Variants in JMJD1C observed in about 807,000 individuals in gnomAD.
JMJD1C encodes jumonji domain containing 1C.
In JMJD1C, 31 loss-of-function variants were observed where a neutral mutation model predicts 245.3. The observed-to-expected ratio is 0.13, with a 90% CI of 0.09 to 0.17. The LOEUF (loss-of-function observed/expected upper bound fraction) is 0.17, where lower values mean the gene tolerates loss of function less well. Among genes scored for constraint, JMJD1C ranks in the 10% least tolerant of loss-of-function variants. JMJD1C has a pLI of 1.00. For synonymous variants in JMJD1C, 1,057 were observed against 1,017.4 expected (o/e 1.04, Z -0.74); for missense variants, 2,691 against 3,000.2 (o/e 0.90, Z 2.41).
At chr10:63,203,275 T>C in intron 10 of JMJD1C, 2 of 976,216 alleles carry the variant, frequency 2.0e-6, no homozygotes, top group South Asian at 4.7e-5. Context: ...TATAATTTAC[T>C]GGCAATATAT....
At chr10:63,225,229 T>C (rs961407837) in intron 3 of JMJD1C, among the ~76,000 whole-genome samples, 6 of 152,188 alleles carry the variant, frequency 3.9e-5, no homozygotes, top group Non-Finnish European at 7.3e-5. Flanking sequence ...GGACCCTCTA[T>C]GAACCTCTCC....
At chr10:63,461,266 T>C (rs1046847588) in intron 1 of JMJD1C, among the ~76,000 whole-genome samples, 1 of 152,236 alleles carries the variant, frequency 6.6e-6, no homozygotes, top group African/African-American at 2.4e-5. Flanking sequence ...AATTTTGCTA[T>C]AGTAAACCTA....
rs745461131 is a variant in JMJD1C, at chr10:63,208,286, G to C, written c.3383C>G (p.Ala1128Gly). Reference protein sequence around the residue: ...YGDKQSNALAAAAANPQTLTS... With the variant: ...YGDKQSNALAGAAANPQTLTS... ...CAGAGTTTGAGGATTAGCTGCTGCCGCTGCAAGGGCATTACTCTGTTTATC... is the reference window on the plus strand; with the variant it reads ...CAGAGTTTGAGGATTAGCTGCTGCCCCTGCAAGGGCATTACTCTGTTTATC... Residue 1128 changes from alanine (A) to glycine (G), a missense_variant, in exon 10 of 26, where the codon GCG becomes GGG. Ala to Gly is a moderately conservative substitution (Grantham distance 60). Around this residue, in one of 9 missense-constraint regions of JMJD1C, gnomAD observed 1,562 missense variants for 1,490.7 expected, o/e 1.05. Coordinates refer to ENST00000399262, the MANE Select transcript of JMJD1C (RefSeq NM_032776.3). 1.2e-6 allele frequency: 2 copies of C among 1,614,024 alleles called. No individual in the cohort carries two copies. Among genetic ancestry groups the C allele is most frequent in the Non-Finnish European group, 8.5e-7 (1 of 1,179,982 alleles).
In JMJD1C at chr10:63,189,446, T is replaced by C. The variant is rs374161831; in HGVS notation, c.6292A>G (p.Ser2098Gly). 2 of 1,593,456 alleles carry C rather than the reference T, an allele frequency of 1.3e-6. No homozygotes were observed. The highest frequency in any genetic ancestry group is 2.7e-5 in the African/African-American group (2 of 73,566). The change falls in exon 18 of 26, where the codon AGT becomes GGT. Residue 2098 changes from serine to glycine, a missense_variant and splice_region_variant. Ser to Gly is a moderately conservative substitution (Grantham distance 56). This residue lies in a region of JMJD1C where 275 missense variants were observed against 285.5 expected (regional missense o/e 0.96). Coordinates refer to ENST00000399262, the MANE Select transcript of JMJD1C (RefSeq NM_032776.3). ...GGCATAGTCCGTCCACTTTTGCTAC[T>C]CTATTAAGGAAAAAACAAAACAAAA... ...FAPVYSMGAP[S>G]SKSGRTMPNI...
chr10:63,414,850 T>G (rs1193099317), intron 1 of JMJD1C, among the ~76,000 whole-genome samples: 1 of 148,778 alleles, frequency 6.7e-6, no homozygotes, highest in Non-Finnish European at 1.5e-5. Context: ...GAGGCTGCAG[T>G]GAGCTGAGAT....
chr10:63,440,276 A>G (rs1951293065), intron 1 of JMJD1C, among the ~76,000 whole-genome samples: 1 of 151,610 alleles, frequency 6.6e-6, no homozygotes, highest in Admixed American at 6.6e-5. Flanking sequence ...TGGAGGTTGC[A>G]GTGAGCCAAG....
Position 63,324,039 on chromosome 10 carries a change from CTT to C in JMJD1C, c.333+56277_333+56278del, listed in dbSNP as rs71463513. 9.0e-4 allele frequency among the ~76,000 whole-genome samples: 123 copies of C among 136,102 alleles called. 1 individual carries two copies. In the East Asian group the frequency reaches 9.9e-3, roughly 11 times the overall value. The allele number at this position is 136,102 out of a possible 152,430, so 89.3% of individuals were successfully genotyped here. The stretch of plus-strand genomic sequence containing the variant: ...AAGAGCCAATTCATCCTTCGTCTGC[CTT>C]TTTTTTTTTTTTTTTCTATGTGGGC... On this transcript the variant is annotated intron_variant, in intron 2 of 25. Coordinates refer to ENST00000399262, the MANE Select transcript of JMJD1C (RefSeq NM_032776.3).
At chr10:63,484,236 G>GGATGGATAGATAGATA (rs1416097314) in intron 1 of JMJD1C, among the ~76,000 whole-genome samples, 2 of 92,630 alleles carry the variant, frequency 2.2e-5, no homozygotes, top group African/African-American at 6.3e-5. Context: ...ATGGATGGAT[G>GGATGGATAGATAGATA]GATAGATAGA....
At chr10:63,217,420 T>A (rs891065393) in intron 4 of JMJD1C, 89 bp from the exon 5 acceptor site, 1 of 985,952 alleles carries the variant, frequency 1.0e-6, no homozygotes, top group Non-Finnish European at 1.5e-6. Flanking sequence ...AGCTAGTGTA[T>A]AATAGTAATA....
At chr10:63,333,689 TTA>T (rs1182870187) in intron 2 of JMJD1C, among the ~76,000 whole-genome samples, 1 of 152,180 alleles carries the variant, frequency 6.6e-6, no homozygotes, top group Non-Finnish European at 1.5e-5. Context: ...TACATGACAA[TTA>T]TGAGGCAGAA....
intron 2 of JMJD1C, among the ~76,000 whole-genome samples, chr10:63,373,343 A>G (rs1435524415): frequency 1.3e-5 from 2 of 152,190 alleles, no homozygotes; most frequent in Non-Finnish European, 2.9e-5. Context: ...AATTCCAGAG[A>G]AGGAGCCTGG....
chr10:63,213,173 A>C (rs1847567470), intron 8 of JMJD1C, among the ~76,000 whole-genome samples: 1 of 149,110 alleles, frequency 6.7e-6, no homozygotes, highest in East Asian at 2.0e-4. Context: ...CAACAGAATG[A>C]GACTCCATCT....
intron 3 of JMJD1C, among the ~76,000 whole-genome samples, chr10:63,240,048 C>A (rs757406312): frequency 5.9e-5 from 9 of 152,144 alleles, no homozygotes; most frequent in Non-Finnish European, 1.3e-4. Context: ...TTATTATCTA[C>A]CTGGCCTCTC....
At chr10:63,434,118 T>C (rs1294825018) in intron 1 of JMJD1C, among the ~76,000 whole-genome samples, 1 of 152,208 alleles carries the variant, frequency 6.6e-6, no homozygotes, top group Non-Finnish European at 1.5e-5. Flanking sequence ...AGCCAGTATT[T>C]TGCAGCTTTG....
chr10:63,339,968 G>A lies in JMJD1C; in HGVS notation c.333+40350C>T, dbSNP rs983391716. Among the ~76,000 whole-genome samples the A allele has an allele frequency of 6.4e-4, 98 of 152,298 alleles. 1 individual carries two copies. The highest frequency in any genetic ancestry group is 1.5e-4 in the Non-Finnish European group (10 of 68,030). ...CCAGCTACTTGAGAGGCTGAGGCAG[G>A]AGAAATGCTTGAACCCAGGAGGCGG... On this transcript the variant is annotated intron_variant, in intron 2 of 25. Coordinates refer to ENST00000399262, the MANE Select transcript of JMJD1C (RefSeq NM_032776.3).
At chr10:63,288,281 T>C (rs1858215943) in intron 2 of JMJD1C, among the ~76,000 whole-genome samples, 1 of 152,206 alleles carries the variant, frequency 6.6e-6, no homozygotes, top group African/African-American at 2.4e-5. Context: ...TTCTCTCACT[T>C]AGTAAAATGC....
Position 63,484,484 on chromosome 10 carries a change from G to A in JMJD1C, n.113+37254C>T, listed in dbSNP as rs7915779. The stretch of plus-strand genomic sequence containing the variant: ...ACGCTATTTATACCCTCCCACTTCA[G>A]AGCAAGCACAGCACTTATTTGAACT... On this transcript the variant is annotated intron_variant and non_coding_transcript_variant, in intron 1 of 3. Coordinates refer to the JMJD1C transcript ENST00000633035. Among the ~76,000 whole-genome samples, 115 of 151,794 alleles carry A rather than the reference G, an allele frequency of 7.6e-4. 3 individuals are homozygous for A. The East Asian group carries it at 0.022, about 29-fold the overall frequency.
chr10:63,383,764 G>A (rs1453422245), intron 1 of JMJD1C, among the ~76,000 whole-genome samples: 1 of 152,130 alleles, frequency 6.6e-6, no homozygotes, highest in African/African-American at 2.4e-5. Flanking sequence ...GCCAAAAAAC[G>A]GTAACAATCA....
At chr10:63,423,846 T>C (rs1226354729) in intron 1 of JMJD1C, among the ~76,000 whole-genome samples, 1 of 152,218 alleles carries the variant, frequency 6.6e-6, no homozygotes, top group Non-Finnish European at 1.5e-5. Context: ...ATTATAGTCA[T>C]ATTAGTAAGT....
Sources: gnomAD v4.1 joint callset for allele counts (sites outside exome capture counted in the v4.1 genomes callset) on GRCh38, gnomAD v4.1.1 for gene constraint, gnomAD v4.1.1 regional missense constraint, MANE v1.5 for transcripts, NCBI Gene and HGNC (gene_info 2026-07-23, HGNC 2026-07-21) for gene names.